Variants in PRX observed in about 807,000 individuals in gnomAD.
The protein encoded by PRX is periaxin.
Under a neutral mutation model 29.6 loss-of-function variants are expected in PRX, and 24 were observed. The ratio of observed to expected loss-of-function variants is 0.81; its 90% CI spans 0.59 to 1.14. The LOEUF (loss-of-function observed/expected upper bound fraction) is 1.14, where lower values mean the gene tolerates loss of function less well. Among genes scored for constraint, PRX ranks in the 50% most tolerant of loss-of-function variants. The pLI is 0.00. For synonymous variants in PRX, 772 were observed against 831.7 expected (o/e 0.93, Z 1.24); for missense variants, 1,838 against 1,926.4 (o/e 0.95, Z 0.86).
At chr19:40,405,000 T>C (rs779534585) in intron 4 of PRX, among the ~76,000 whole-genome samples, 14 of 151,948 alleles carry the variant, frequency 9.2e-5, no homozygotes, top group South Asian at 2.1e-4. Flanking sequence ...CCCTCTGGGA[T>C]TGGGGGGACA....
chr19:40,398,767 C>G lies in PRX; in HGVS notation c.234G>C (p.Glu78Asp). ...CGCATTGCAGCAGGCGTAGTGCGTC[C>G]TCGTACTTGAAGTTCTCGAAGAACA... The part of the protein sequence containing the change: ...ARVFFENFKY[E>D]DALRLLQCAE... Residue 78 changes from glutamate (E) to aspartate (D), a missense_variant, in exon 6 of 7, where the codon GAG becomes GAC. Around this residue, in one of 3 missense-constraint regions of PRX, gnomAD observed 666 missense variants for 665.0 expected, o/e 1.00. Transcript: ENST00000324001. The surrounding 1 kb of genome is among the most constrained non-coding windows in gnomAD (Gnocchi z 6.3). 6.2e-7 allele frequency: 1 copy of G among 1,614,106 alleles called. No homozygotes were observed. Among genetic ancestry groups the G allele is most frequent in the Non-Finnish European group, 8.5e-7 (1 of 1,179,986 alleles).
intron 4 of PRX, among the ~76,000 whole-genome samples, chr19:40,404,064 A>C (rs1270514924): frequency 6.6e-6 from 1 of 152,294 alleles, no homozygotes; most frequent in East Asian, 1.9e-4. Context: ...TCGGCCTCCC[A>C]AAGTGCTGGG....
At chr19:40,405,612 T>G in intron 4 of PRX, among the ~76,000 whole-genome samples, 1 of 149,958 alleles carries the variant, frequency 6.7e-6, no homozygotes, top group Non-Finnish European at 1.5e-5. Context: ...CTCAGCATTT[T>G]ATGTGCAGAA....
At chr19:40,404,478 A>G (rs558038286) in intron 4 of PRX, among the ~76,000 whole-genome samples, 12 of 151,862 alleles carry the variant, frequency 7.9e-5, no homozygotes, top group African/African-American at 2.9e-4. Flanking sequence ...TGAGAGGAAG[A>G]GCCAAATGGG....
At chr19:40,399,850 C>CCTTTCTTTT (rs2079475899) in intron 5 of PRX, among the ~76,000 whole-genome samples, 2 of 119,622 alleles carry the variant, frequency 1.7e-5, no homozygotes, top group South Asian at 5.8e-4. Context: ...AGCTTTCTTT[C>CCTTTCTTTT]CTTTCTTTCT....
chr19:40,393,798 G>T lies in PRX; in HGVS notation c.*168C>A, dbSNP rs1020596240. The T allele has an allele frequency of 2.5e-5, 24 of 954,108 alleles. No homozygotes were observed. The allele number at this position is 954,108 out of a possible 1,614,324, so 59.1% of individuals were successfully genotyped here. ...CCAGATTATTTTATTCACATGGCTT[G>T]GTGGGGTACAGGCACTCCTGCCAGA... On this transcript the variant is annotated 3_prime_UTR_variant, in exon 7 of 7. Coordinates refer to ENST00000324001, the MANE Select transcript of PRX (RefSeq NM_181882.3).
At chr19:40,404,401 T>A (rs1599663498) in intron 4 of PRX, among the ~76,000 whole-genome samples, 1 of 15,074 alleles carries the variant, frequency 6.6e-5, no homozygotes, top group Non-Finnish European at 1.3e-4. Flanking sequence ...CGTGGGGGCG[T>A]GGTCAGGTCG....
chr19:40,393,971 C>G lies in PRX; in HGVS notation c.4381G>C (p.Val1461Leu), dbSNP rs1429618418. ...TCCCCATCTGACTAGGGGCTTCAGA[C>G]AGCCGCAGCCTGAGCCCCCTCCATC... ...ARMEGAQAAA[V>L] The change falls in exon 7 of 7, where the codon GTC (valine) becomes CTC (leucine). Residue 1461 changes from valine (V) to leucine (L), a missense_variant. By Grantham distance (32) the Val-to-Leu change is conservative. Transcript: ENST00000324001. The G allele has an allele frequency of 6.2e-7, 1 of 1,612,112 alleles. No homozygotes were observed. Among genetic ancestry groups the G allele is most frequent in the Admixed American group, 1.7e-5 (1 of 59,996 alleles).
rs1024618315 is a variant in PRX, at chr19:40,398,356, C to G, written c.381+264G>C. 10 of 1,431,288 alleles carry G rather than the reference C, an allele frequency of 7.0e-6. No homozygotes were observed. In the South Asian group the frequency reaches 1.2e-4, roughly 17 times the overall value. The allele number at this position is 1,431,288 out of a possible 1,614,324, so 88.7% of individuals were successfully genotyped here. Reference sequence around the variant, plus strand: ...ATCTGGCTTTCCTGGTTCGAAGTAGCCTGGTTCAGGACCCCTAGCAAGCCT... The same window carrying G: ...ATCTGGCTTTCCTGGTTCGAAGTAGGCTGGTTCAGGACCCCTAGCAAGCCT... On this transcript the variant is annotated intron_variant, in intron 6 of 6. Coordinates refer to ENST00000324001, the MANE Select transcript of PRX (RefSeq NM_181882.3). The surrounding 1 kb of genome is among the most constrained non-coding windows in gnomAD (Gnocchi z 6.3).
Position 40,397,513 on chromosome 19 carries a change from G to A in PRX, c.839C>T (p.Pro280Leu), listed in dbSNP as rs557355077. 1.4e-4 allele frequency: 223 copies of A among 1,548,932 alleles called. No homozygotes were observed. The highest frequency in any genetic ancestry group is 1.7e-4 in the Non-Finnish European group (199 of 1,148,778). The change falls in exon 7 of 7, where the codon CCG becomes CTG. Residue 280 changes from proline to leucine, a missense_variant. Physicochemically the swap from Pro to Leu is moderately conservative, Grantham distance 98. This residue lies in a region of PRX where 666 missense variants were observed against 665.0 expected (regional missense o/e 1.00). Transcript: ENST00000324001. ...LPTLGLGAPA[P>L]PAVEAPAVGI... ...CACGGCTGGGGCCTCCACAGCAGGC[G>A]GAGCCGGGGCTCCGAGCCCAAGGGT...
At position 40,398,247 on chromosome 19, in the gene PRX, A is replaced by G; in HGVS notation, c.382-277T>C. 1 of 1,412,704 alleles carries G rather than the reference A, an allele frequency of 7.1e-7. No individual in the cohort carries two copies. The highest frequency in any genetic ancestry group is 9.2e-7 in the Non-Finnish European group (1 of 1,087,896). 87.5% of individuals were successfully genotyped at this position (1,412,704 alleles called of 1,614,324 possible). A position where few individuals can be genotyped will look rare whatever the true frequency, so the allele number is the denominator to read the frequency against. On this transcript the variant is annotated intron_variant, in intron 6 of 6. Coordinates refer to ENST00000324001, the MANE Select transcript of PRX (RefSeq NM_181882.3). This position sits in a 1 kb window ranked among gnomAD's most constrained non-coding sequence, Gnocchi z 6.3. ...GGATTTTCCCCAACATCCTCATTCT[A>G]GAGATGGGGAAACTGAGGCCCAGGG...
intron 5 of PRX, among the ~76,000 whole-genome samples, chr19:40,399,867 C>CTTTCTTTCTTTCT (rs1568711571): frequency 1.5e-5 from 1 of 64,814 alleles, no homozygotes; most frequent in Non-Finnish European, 3.2e-5. Context: ...TTCTTTCTTT[C>CTTTCTTTCTTTCT]TTTCTTTCTT....
chr19:40,394,467 C>G lies in PRX; in HGVS notation c.3885G>C (p.Glu1295Asp). 6.2e-7 allele frequency: 1 copy of G among 1,601,624 alleles called. No homozygotes were observed. Among genetic ancestry groups the G allele is most frequent in the Non-Finnish European group, 8.5e-7 (1 of 1,174,482 alleles). The stretch of plus-strand genomic sequence containing the variant: ...GCTTGTGTCCGGCCTCTCCCTCCCC[C>G]TCTGCCACCTGGTACTCGGCATGGT... ...GGNHAEYQVA[E>D]GEGEAGHKLK... Residue 1295 changes from glutamate to aspartate, a missense_variant, in exon 7 of 7, where the codon GAG (glutamate) becomes GAC (aspartate). Glu to Asp is a conservative substitution (Grantham distance 45). Coordinates refer to ENST00000324001, the MANE Select transcript of PRX (RefSeq NM_181882.3). This position sits in a 1 kb window ranked among gnomAD's most constrained non-coding sequence, Gnocchi z 5.8.
Position 40,395,094 on chromosome 19 carries a change from C to A in PRX, c.3258G>T (p.Lys1086Asn), listed in dbSNP as rs1041674775. ...VQGDRASPGE[K>N]AESTAVQLKI... ...TAAGCTGCACAGCGGTGGACTCAGC[C>A]TTTTCCCCCGGGCTGGCACGATCAC... Residue 1086 changes from lysine to asparagine, a missense_variant, in exon 7 of 7, where the codon AAG becomes AAT. Lys to Asn is a moderately conservative substitution (Grantham distance 94). Coordinates refer to ENST00000324001, the MANE Select transcript of PRX (RefSeq NM_181882.3). 3.1e-6 allele frequency: 5 copies of A among 1,613,674 alleles called. No homozygotes were observed. The African/African-American group carries it at 6.7e-5, about 22-fold the overall frequency.
chr19:40,404,192 C>T (rs2079516319), intron 4 of PRX, among the ~76,000 whole-genome samples: 1 of 152,208 alleles, frequency 6.6e-6, no homozygotes, highest in Admixed American at 6.5e-5. Context: ...CGGCGTCTCC[C>T]CTTTAAGCAA....
Position 40,397,736 on chromosome 19 carries a change from G to C in PRX, c.616C>G (p.Arg206Gly). The change falls in exon 7 of 7, where the codon CGG becomes GGG. Residue 206 changes from arginine to glycine, a missense_variant. Coordinates refer to ENST00000324001, the MANE Select transcript of PRX (RefSeq NM_181882.3). ...REVAEEAQAA[R>G]LAAAAPPPRK... ...GGGGGAGGAGCGGCGGCGGCCAGCC[G>C]GGCTGCCTGAGCCTCTTCGGCCACT... 6.4e-7 allele frequency: 1 copy of C among 1,561,816 alleles called. No individual in the cohort carries two copies. The highest frequency in any genetic ancestry group is 8.7e-7 in the Non-Finnish European group (1 of 1,155,918).
At position 40,399,994 on chromosome 19, in the gene PRX, C is replaced by CT. The variant is rs1481724628; in HGVS notation, c.185-1179dup. Among the ~76,000 whole-genome samples the CT allele has an allele frequency of 3.2e-5, 4 of 123,950 alleles. No individual in the cohort carries two copies. In the South Asian group the frequency reaches 1.1e-3, roughly 35 times the overall value. 81.3% of individuals were successfully genotyped at this position (123,950 alleles called of 152,430 possible). On this transcript the variant is annotated intron_variant, in intron 5 of 6. Coordinates refer to ENST00000324001, the MANE Select transcript of PRX (RefSeq NM_181882.3). ...GTCTGTCTTTCTTTTCTTTTCTTTT[C>CT]TTTTTTAGATGGAGTTTTGCTCTTG... is the stretch of plus-strand genomic sequence containing the variant.
chr19:40,406,351 T>A (rs2079530423), intron 4 of PRX, among the ~76,000 whole-genome samples: 1 of 152,046 alleles, frequency 6.6e-6, no homozygotes, highest in Non-Finnish European at 1.5e-5. Context: ...GTGTTGGGAT[T>A]ACAGGTGTGA....
chr19:40,410,649 G>C (rs1230102895), intron 1 of PRX, among the ~76,000 whole-genome samples: 2 of 152,196 alleles, frequency 1.3e-5, no homozygotes, highest in African/African-American at 4.8e-5. Flanking sequence ...GAGGTGGGTG[G>C]ATCACGAGGT....
Sources: allele counts gnomAD v4.1 joint callset (sites outside exome capture counted in the v4.1 genomes callset), GRCh38; gene constraint gnomAD v4.1.1; regional missense constraint gnomAD v4.1.1; non-coding constraint Gnocchi (gnomAD v3.1); transcripts MANE v1.5; gene names NCBI Gene and HGNC (gene_info 2026-07-23, HGNC 2026-07-21).